Variants in OPHN1 observed in about 807,000 individuals in gnomAD.
The protein encoded by OPHN1 is oligophrenin-1.
Under a neutral mutation model 60.7 loss-of-function variants are expected in OPHN1, and 11 were observed. The ratio of observed to expected loss-of-function variants is 0.18; its 90% CI spans 0.11 to 0.30. The LOEUF (loss-of-function observed/expected upper bound fraction) is 0.30, where lower values mean the gene tolerates loss of function less well. Ranked by LOEUF, OPHN1 falls within the 10% of genes least tolerant of loss-of-function variation. The pLI, the probability that OPHN1 is intolerant of heterozygous loss-of-function variation, is 1.00. For missense variants in OPHN1, 449 were observed against 611.0 expected, an observed-to-expected ratio of 0.73 and a Z score of 2.80; for synonymous variants, 226 against 222.6, an observed-to-expected ratio of 1.02 and a Z score of -0.14.
chrX:68,317,540 AAAGAAAGAAAG>A (rs1159247766), intron 2 of OPHN1, among the ~76,000 whole-genome samples: 1 of 29,905 alleles, frequency 3.3e-5, no homozygotes, highest in Non-Finnish European at 4.9e-5. Context: ...AGAAAGAAAA[AAAGAAAGAAAG>A]AAAGAAAGAA....
At chrX:68,385,859 A>G (rs2078621898) in intron 2 of OPHN1, among the ~76,000 whole-genome samples, 1 of 112,243 alleles carries the variant, frequency 8.9e-6, no homozygotes, top group African/African-American at 3.2e-5. Flanking sequence ...AGGGGCAAGT[A>G]AAAACAAAGA....
At chrX:68,167,987 A>G (rs1179234408) in intron 15 of OPHN1, among the ~76,000 whole-genome samples, 1 of 111,258 alleles carries the variant, frequency 9.0e-6, no homozygotes, top group East Asian at 2.8e-4. Context: ...AAAGACAAAC[A>G]TCATATGTTC....
chrX:68,062,723 T>C (rs1406128192), intron 21 of OPHN1, among the ~76,000 whole-genome samples: 1 of 112,455 alleles, frequency 8.9e-6, no homozygotes, highest in African/African-American at 3.2e-5. Context: ...TATTGTGAAA[T>C]TCCTTAAAGC....
intron 2 of OPHN1, among the ~76,000 whole-genome samples, chrX:68,423,902 C>T (rs2078842262): frequency 8.9e-6 from 1 of 111,813 alleles, no homozygotes; most frequent in Admixed American, 9.5e-5. Flanking sequence ...CATGGTGGCT[C>T]ACGCCTGTAA....
At chrX:68,418,227 G>A (rs1225688011) in intron 2 of OPHN1, among the ~76,000 whole-genome samples, 1 of 111,762 alleles carries the variant, frequency 8.9e-6, no homozygotes, top group Non-Finnish European at 1.9e-5. Flanking sequence ...CAGTTTGAAG[G>A]TGAATCATTA....
intron 4 of OPHN1, among the ~76,000 whole-genome samples, chrX:68,276,607 T>C (rs1172661873): frequency 8.9e-6 from 1 of 111,887 alleles, no homozygotes; most frequent in African/African-American, 3.2e-5. Context: ...CCTTTACTAT[T>C]GTGGAAGCTT....
chrX:68,051,877 A>G (rs763082493), intron 23 of OPHN1, among the ~76,000 whole-genome samples: 1 of 112,024 alleles, frequency 8.9e-6, no homozygotes, highest in South Asian at 3.7e-4. Flanking sequence ...AGATACAAAG[A>G]GACACAGGAA....
At chrX:68,399,601 G>C (rs1168213446) in intron 2 of OPHN1, among the ~76,000 whole-genome samples, 2 of 111,566 alleles carry the variant, frequency 1.8e-5, no homozygotes, top group Non-Finnish European at 3.8e-5. Flanking sequence ...CCAGGAGGTA[G>C]AGGTTGCAGT....
Position 68,073,287 on chromosome X carries a change from G to T in OPHN1, c.1699C>A (p.Pro567Thr), listed in dbSNP as rs757790995. Residue 567 changes from proline to threonine, a missense_variant, in exon 20 of 25, where the codon CCA becomes ACA. Transcript: ENST00000355520. ...IEHFGKIYLG[P>T]PEESAAPPVP... ...GGCGGTGCAGCGCTTTCCTCAGGTGGACCTAAATAGATCTGTGGAGAAAGA... is the reference window on the plus strand; with the variant it reads ...GGCGGTGCAGCGCTTTCCTCAGGTGTACCTAAATAGATCTGTGGAGAAAGA... 3 of 1,205,979 alleles carry T rather than the reference G, an allele frequency of 2.5e-6. No homozygotes were observed. In the South Asian group the frequency reaches 5.4e-5, roughly 22 times the overall value.
intron 5 of OPHN1, among the ~76,000 whole-genome samples, chrX:68,244,877 A>G (rs1803427185): frequency 2.7e-5 from 3 of 111,515 alleles, no homozygotes; most frequent in Admixed American, 9.6e-5. Flanking sequence ...GAACTGTTCC[A>G]AAGTTGCACA....
chrX:68,392,850 C>A (rs1039461322), intron 2 of OPHN1, among the ~76,000 whole-genome samples: 1 of 109,754 alleles, frequency 9.1e-6, no homozygotes, highest in Non-Finnish European at 1.9e-5. Context: ...CTCGATCCCC[C>A]CTTCCAGCTC....
At chrX:68,290,103 C>T (rs1162195374) in intron 3 of OPHN1, among the ~76,000 whole-genome samples, 1 of 110,658 alleles carries the variant, frequency 9.0e-6, no homozygotes, top group Non-Finnish European at 1.9e-5. Flanking sequence ...TTTACTATGA[C>T]ATTAACACGG....
intron 10 of OPHN1, among the ~76,000 whole-genome samples, chrX:68,204,587 A>G (rs1466604610): frequency 8.9e-6 from 1 of 112,204 alleles, no homozygotes; most frequent in Non-Finnish European, 1.9e-5. Flanking sequence ...GAAGTGAAAC[A>G]GAGAACTGAC....
chrX:68,195,659 T>C (rs2077510074), intron 12 of OPHN1, among the ~76,000 whole-genome samples: 2 of 112,096 alleles, frequency 1.8e-5, no homozygotes, highest in Admixed American at 1.9e-4. Flanking sequence ...TAATGTGAGG[T>C]TGCAGGAAAT....
At chrX:68,253,182 T>G (rs1209978927) in intron 5 of OPHN1, among the ~76,000 whole-genome samples, 3 of 111,937 alleles carry the variant, frequency 2.7e-5, no homozygotes, top group African/African-American at 9.7e-5. Context: ...TCTTGGCTTG[T>G]ATTAATCATA....
intron 15 of OPHN1, among the ~76,000 whole-genome samples, chrX:68,174,991 G>A (rs2077408027): frequency 9.1e-6 from 1 of 109,804 alleles, no homozygotes; most frequent in Non-Finnish European, 1.9e-5. Context: ...GGCTGAGGCA[G>A]GAGAATTGCT....
At chrX:68,056,050 T>C (rs1470030141) in intron 21 of OPHN1, among the ~76,000 whole-genome samples, 1 of 110,861 alleles carries the variant, frequency 9.0e-6, no homozygotes, top group Non-Finnish European at 1.9e-5. Context: ...CATATATACA[T>C]ATGTAACAAA....
At chrX:68,212,453 C>T (rs1168946423) in intron 7 of OPHN1, among the ~76,000 whole-genome samples, 4 of 110,954 alleles carry the variant, frequency 3.6e-5, no homozygotes, top group Admixed American at 9.6e-5. Flanking sequence ...GCCGTGGTGG[C>T]GCACGCCTGT....
intron 2 of OPHN1, among the ~76,000 whole-genome samples, chrX:68,391,525 A>G: frequency 1.8e-5 from 2 of 110,737 alleles, no homozygotes; most frequent in South Asian, 7.8e-4. Context: ...TCTTCCAGAG[A>G]TAGGGTATGC....
Sources: gnomAD v4.1 joint callset for allele counts (sites outside exome capture counted in the v4.1 genomes callset) on GRCh38, gnomAD v4.1.1 for gene constraint, MANE v1.5 for transcripts, NCBI Gene and HGNC (gene_info 2026-07-23, HGNC 2026-07-21) for gene names.